The following CAST variants were observed in gnomAD, a reference collection of about 807,000 sequenced individuals.
CAST encodes the protein calpastatin.
CAST carries 76 observed loss-of-function variants against 119.6 expected under a neutral mutation model. That is an observed-to-expected ratio of 0.64 (90% CI 0.53 to 0.77). CAST has a LOEUF of 0.77. Among genes scored for constraint, CAST ranks in the 30% least tolerant of loss-of-function variants. CAST has a pLI of 0.00. For missense variants in CAST, 953 were observed against 946.5 expected, an observed-to-expected ratio of 1.01 and a Z score of -0.09; for synonymous variants, 319 against 331.6, an observed-to-expected ratio of 0.96 and a Z score of 0.41.
chr5:96,588,939 T>C (rs74488240), intron 1 of CAST, among the ~76,000 whole-genome samples: 2,864 of 152,342 alleles, frequency 0.019, 87 homozygotes, highest in African/African-American at 0.057. Context: ...ACATTCATAA[T>C]ATATTTTATT....
chr5:96,600,010 G>A (rs1307329652), intron 1 of CAST, among the ~76,000 whole-genome samples: 2 of 145,078 alleles, frequency 1.4e-5, no homozygotes, highest in Admixed American at 1.4e-4. Context: ...ATTTCAGACT[G>A]CAAGTTTGAA....
chr5:96,049,699 T>C, the CAST span, among the ~76,000 whole-genome samples: 2 of 151,834 alleles, frequency 1.3e-5, no homozygotes, highest in Non-Finnish European at 2.9e-5. Context: ...TAGAACTTGT[T>C]ATACTTGGGA....
upstream of CAST, among the ~76,000 whole-genome samples, chr5:96,522,905 G>C (rs1424641701): frequency 6.6e-6 from 1 of 152,214 alleles, no homozygotes; most frequent in Non-Finnish European, 1.5e-5. Context: ...GGGCACCCAA[G>C]CTTAGTGTGG....
chr5:96,754,036 A>C, intron 20 of CAST, 24 bp from the exon 21 acceptor site: 1 of 1,401,916 alleles, frequency 7.1e-7, no homozygotes, highest in Non-Finnish European at 1.0e-6. Context: ...CACCTACTTA[A>C]TATATCCACT....
At chr5:96,219,272 C>T in the CAST span, among the ~76,000 whole-genome samples, 2 of 152,156 alleles carry the variant, frequency 1.3e-5, no homozygotes, top group Non-Finnish European at 2.9e-5. Flanking sequence ...TCTTATTTTT[C>T]TTCCCCATCT....
intron 3 of CAST, chr5:96,702,773 G>A: frequency 3.0e-6 from 3 of 985,452 alleles, no homozygotes; most frequent in Non-Finnish European, 3.6e-6. Flanking sequence ...ATCCTGCGTC[G>A]CCTTCCCGGG....
intron 1 of CAST, among the ~76,000 whole-genome samples, chr5:96,579,754 C>G (rs1323565601): frequency 2.0e-5 from 3 of 152,172 alleles, no homozygotes; most frequent in Non-Finnish European, 4.4e-5. Context: ...TGGGGCAGAA[C>G]AGGAAGAAAC....
the CAST span, among the ~76,000 whole-genome samples, chr5:96,117,437 A>T: frequency 1.3e-5 from 2 of 152,176 alleles, no homozygotes; most frequent in Non-Finnish European, 2.9e-5. Context: ...TGTGTGTGTG[A>T]GACTCAGGGA....
the CAST span, among the ~76,000 whole-genome samples, chr5:96,026,940 G>A: frequency 5.3e-5 from 8 of 152,086 alleles, no homozygotes; most frequent in Non-Finnish European, 1.0e-4. Context: ...TGGGCATAGT[G>A]GCTCATGCCT....
the CAST span, among the ~76,000 whole-genome samples, chr5:96,453,948 C>A: frequency 6.6e-6 from 1 of 152,144 alleles, no homozygotes; most frequent in Non-Finnish European, 1.5e-5. Flanking sequence ...CAGACCAAAA[C>A]AACAACAATA....
the CAST span, among the ~76,000 whole-genome samples, chr5:96,092,730 T>C: frequency 7.9e-5 from 12 of 152,256 alleles, no homozygotes; most frequent in Non-Finnish European, 1.5e-4. Flanking sequence ...GAAGCTTTTC[T>C]ATTTCCGGAA....
the CAST span, chr5:96,423,539 G>T: frequency 7.8e-7 from 1 of 1,275,618 alleles, no homozygotes; most frequent in Non-Finnish European, 1.1e-6. Flanking sequence ...CCAACCTGGA[G>T]ACCCATCTTT....
chr5:96,031,782 C>T, the CAST span, among the ~76,000 whole-genome samples: 7 of 151,776 alleles, frequency 4.6e-5, no homozygotes, highest in Non-Finnish European at 8.8e-5. Context: ...GGTGTGTAAC[C>T]GATTACTACA....
chr5:96,191,695 G>A, the CAST span, among the ~76,000 whole-genome samples: 11 of 152,258 alleles, frequency 7.2e-5, no homozygotes, highest in Admixed American at 5.9e-4. Context: ...TCAGTCTCCC[G>A]AGTAGCTGGG....
the CAST span, among the ~76,000 whole-genome samples, chr5:96,153,155 T>C: frequency 7.9e-5 from 12 of 152,146 alleles, no homozygotes; most frequent in African/African-American, 2.9e-4. Context: ...TTTTTTTTCC[T>C]TGGCAGCATA....
At chr5:96,069,655 CTTTTTT>C in the CAST span, among the ~76,000 whole-genome samples, 4 of 78,398 alleles carry the variant, frequency 5.1e-5, no homozygotes, top group East Asian at 8.1e-4. Context: ...GGTAATTAAA[CTTTTTT>C]TTTTTTTTTT....
chr5:96,617,811 A>AAC (rs1747498560), intron 1 of CAST, among the ~76,000 whole-genome samples: 1 of 143,992 alleles, frequency 6.9e-6, no homozygotes, highest in Non-Finnish European at 1.5e-5. Flanking sequence ...AAAAAAAAAA[A>AAC]AAAAAAAAAA....
At chr5:96,236,364 G>A in the CAST span, among the ~76,000 whole-genome samples, 15 of 152,274 alleles carry the variant, frequency 9.9e-5, no homozygotes, top group East Asian at 9.6e-4. Context: ...CTGGTCCCCC[G>A]TGAATCTGCC....
chr5:96,560,860 C>T lies in CAST; in HGVS notation c.60+30980C>T, dbSNP rs552429319. Reference sequence around the variant, plus strand: ...AGCCATCCCATTACTGGGTATATACCCAAAGGATTATAAAACATGCTGCTA... The same window carrying T: ...AGCCATCCCATTACTGGGTATATACTCAAAGGATTATAAAACATGCTGCTA... On this transcript the variant is annotated intron_variant, in intron 1 of 11. Transcript: ENST00000505143. 3.9e-5 allele frequency among the ~76,000 whole-genome samples: 6 copies of T among 152,116 alleles called. No homozygotes were observed. In the South Asian group the frequency reaches 6.2e-4, roughly 16 times the overall value.
Sources: gnomAD v4.1 joint callset for allele counts (sites outside exome capture counted in the v4.1 genomes callset) on GRCh38, gnomAD v4.1.1 for gene constraint, MANE v1.5 for transcripts, NCBI Gene and HGNC (gene_info 2026-07-23, HGNC 2026-07-21) for gene names.